The following HDAC2 variants were observed in gnomAD, a reference collection of about 807,000 sequenced individuals.
HDAC2 encodes histone deacetylase 2.
HDAC2 carries 5 observed loss-of-function variants against 68.5 expected under a neutral mutation model. The ratio of observed to expected loss-of-function variants is 0.07; its 90% CI spans 0.04 to 0.15. HDAC2 has a LOEUF of 0.15. HDAC2 is among the 10% of genes least tolerant of loss of function. HDAC2 has a pLI of 1.00. For missense variants in HDAC2, 291 were observed against 600.8 expected (o/e 0.48, Z 5.39); for synonymous variants, 182 against 191.3 (o/e 0.95, Z 0.40).
rs147767769 is a variant in HDAC2 at position 113,971,090 on chromosome 6, G to C, written c.-182C>G. ...CGCCGGGAAGGCTCGGTACCACCCG[G>C]CAGAGGTGCCGAAAGCTCGGAATCG... is the stretch of plus-strand genomic sequence containing the variant. On this transcript the variant is annotated 5_prime_UTR_variant, in exon 1 of 14. Coordinates refer to ENST00000519065, the MANE Select transcript of HDAC2 (RefSeq NM_001527.4). The C allele has an allele frequency of 1.3e-6, 2 of 1,549,446 alleles. No individual in the cohort carries two copies. Among genetic ancestry groups the C allele is most frequent in the Non-Finnish European group, 1.7e-6 (2 of 1,145,684 alleles).
chr6:113,966,861 A>C (rs2114622621), intron 1 of HDAC2, among the ~76,000 whole-genome samples: 1 of 152,330 alleles, frequency 6.6e-6, no homozygotes, highest in Non-Finnish European at 1.5e-5. Flanking sequence ...TTTCAGTCTT[A>C]TTTAGTCATG....
rs934018590 is a variant in HDAC2 at position 113,935,202 on chromosome 6, G to T, written c.*5856C>A. On this transcript the variant is annotated 3_prime_UTR_variant, in exon 14 of 14. Transcript: ENST00000519065. ...ACTTTCCGGCTAGACTTCAGAATAA[G>T]AAAATTTTTGAAGTGCATTTCTCAC... 4 of 152,106 alleles carry T rather than the reference G, an allele frequency of 2.6e-5. No individual in the cohort carries two copies. Among genetic ancestry groups the T allele is most frequent in the Non-Finnish European group, 5.9e-5 (4 of 68,010 alleles). 9.4% of individuals were successfully genotyped at this position (152,106 alleles called of 1,614,324 possible). A position where few individuals can be genotyped will look rare whatever the true frequency, so the allele number is the denominator to read the frequency against.
At chr6:113,962,116 G>A (rs1776697537) in intron 1 of HDAC2, among the ~76,000 whole-genome samples, 2 of 151,090 alleles carry the variant, frequency 1.3e-5, no homozygotes, top group Admixed American at 1.3e-4. Flanking sequence ...ATTAACACTT[G>A]TTGAGTGCTT....
intron 8 of HDAC2, chr6:113,947,038 C>T (rs553976967): frequency 6.6e-6 from 1 of 152,220 alleles, no homozygotes; most frequent in East Asian, 1.9e-4. Context: ...TGGGAATTTT[C>T]ATTAAGCATT....
chr6:113,943,381 C>T lies in HDAC2; in HGVS notation c.1348G>A (p.Asp450Asn), dbSNP rs1456771763. ...KGAKKARIEE[D>N]KKETEDKKTD... ...TTTTTGTCCTCTGTTTCTTTCTTAT[C>T]TTCTTCAATTCTAGCTTTCTTTGCT... The change falls in exon 12 of 14, where the codon GAT becomes AAT. Residue 450 changes from aspartate to asparagine, a missense_variant. Physicochemically the swap from Asp to Asn is conservative, Grantham distance 23 (BLOSUM62 1). This residue lies in a region of HDAC2 where 137 missense variants were observed against 128.7 expected (regional missense o/e 1.06). Transcript: ENST00000519065. 2 of 1,608,630 alleles carry T rather than the reference C, an allele frequency of 1.2e-6. No individual in the cohort carries two copies. The highest frequency in any genetic ancestry group is 1.7e-5 in the Admixed American group (1 of 59,152).
Position 113,933,945 on chromosome 6 carries a change from C to T in HDAC2, c.*7113G>A, listed in dbSNP as rs2114575405. 6.6e-6 allele frequency: 1 copy of T among 151,952 alleles called. No individual in the cohort carries two copies. The highest frequency in any genetic ancestry group is 1.9e-4 in the East Asian group (1 of 5,158). 9.4% of individuals were successfully genotyped at this position (151,952 alleles called of 1,614,324 possible). A position where few individuals can be genotyped will look rare whatever the true frequency, so the allele number is the denominator to read the frequency against. The stretch of plus-strand genomic sequence containing the variant: ...ATAGTTCCTGTCTCCTGACTGAACG[C>T]TGATGCAGGGAAACTCTGGTCTCTG... On this transcript the variant is annotated 3_prime_UTR_variant, in exon 14 of 14. Transcript: ENST00000519065.
At position 113,933,288 on chromosome 6, in the gene HDAC2, A is replaced by G. The variant is rs1775933725; in HGVS notation, c.*7770T>C. On this transcript the variant is annotated 3_prime_UTR_variant, in exon 14 of 14. Coordinates refer to ENST00000519065, the MANE Select transcript of HDAC2 (RefSeq NM_001527.4). The stretch of plus-strand genomic sequence containing the variant: ...CATCATTCCTGTGATATTCTTGCCC[A>G]AAACATGCAACCTATATCTAACCAT... 1.3e-5 allele frequency: 2 copies of G among 152,218 alleles called. No homozygotes were observed. Among genetic ancestry groups the G allele is most frequent in the Non-Finnish European group, 2.9e-5 (2 of 68,036 alleles). The allele number at this position is 152,218 out of a possible 1,614,324, so 9.4% of individuals were successfully genotyped here. A position where few individuals can be genotyped will look rare whatever the true frequency, so the allele number is the denominator to read the frequency against.
chr6:113,956,601 G>A lies in HDAC2; in HGVS notation c.358+18C>T. 1.3e-6 allele frequency: 2 copies of A among 1,574,538 alleles called. No homozygotes were observed. Among genetic ancestry groups the A allele is most frequent in the Middle Eastern group, 3.4e-4 (2 of 5,964 alleles). ...CAAGTTCAGATCAACTTTTAAATCT[G>A]ATTGCATTAGCACTTACCAACTGAA... On this transcript the variant is annotated intron_variant, in intron 4 of 13. Transcript: ENST00000519065.
At chr6:113,969,581 T>C (rs1019349511) in intron 1 of HDAC2, 1 of 152,208 alleles carries the variant, frequency 6.6e-6, no homozygotes, top group Non-Finnish European at 1.5e-5. Context: ...CTCTGTTAAA[T>C]TTTGGAATCC....
chr6:113,943,483 C>T lies in HDAC2; in HGVS notation c.1246G>A (p.Ala416Thr). ...GAATCTGAGAATTCTTCATCACAAG[C>T]TATCCGCTTGTCTGATGCTCGAACT... ...ISIRASDKRI[A>T]CDEEFSDSED... Residue 416 changes from alanine to threonine, a missense_variant, in exon 12 of 14, where the codon GCT becomes ACT. Around this residue, in one of 2 missense-constraint regions of HDAC2, gnomAD observed 137 missense variants for 128.7 expected, o/e 1.06. Transcript: ENST00000519065. 1 of 1,606,472 alleles carries T rather than the reference C, an allele frequency of 6.2e-7. No homozygotes were observed. Among genetic ancestry groups the T allele is most frequent in the South Asian group, 1.1e-5 (1 of 90,294 alleles).
At chr6:113,962,889 A>C (rs1776721004) in intron 1 of HDAC2, among the ~76,000 whole-genome samples, 2 of 149,834 alleles carry the variant, frequency 1.3e-5, no homozygotes, top group Non-Finnish European at 3.0e-5. Context: ...ACTTGAACCC[A>C]GGAGGCGGAG....
chr6:113,951,718 C>T (rs578065474), intron 6 of HDAC2, among the ~76,000 whole-genome samples: 6 of 152,226 alleles, frequency 3.9e-5, no homozygotes, highest in Admixed American at 2.6e-4. Flanking sequence ...CCTCCCACCT[C>T]GGCCTCCCAA....
chr6:113,954,320 A>T (rs538116192), intron 5 of HDAC2, among the ~76,000 whole-genome samples: 4 of 152,228 alleles, frequency 2.6e-5, no homozygotes, highest in African/African-American at 9.6e-5. Flanking sequence ...TTTCCAGACT[A>T]AGCACTCATA....
intron 11 of HDAC2, among the ~76,000 whole-genome samples, chr6:113,943,857 G>T (rs1013092149): frequency 6.6e-6 from 1 of 151,276 alleles, no homozygotes; most frequent in East Asian, 1.9e-4. Context: ...AGGTGAAGTA[G>T]ACCAAAAAAA....
intron 1 of HDAC2, chr6:113,970,653 AT>A: frequency 7.4e-7 from 1 of 1,349,726 alleles, no homozygotes; most frequent in Non-Finnish European, 9.4e-7. Context: ...GGGCCCCCTG[AT>A]TCCCGCCCGC....
intron 1 of HDAC2, chr6:113,970,615 A>C (rs1383702654): frequency 3.0e-6 from 4 of 1,323,048 alleles, no homozygotes; most frequent in African/African-American, 1.6e-5. Context: ...GCACGGCCGA[A>C]GGGGGAGAGG....
intron 9 of HDAC2, 54 bp downstream of exon 9, chr6:113,945,954 G>C: frequency 7.3e-7 from 1 of 1,360,730 alleles, no homozygotes; most frequent in Non-Finnish European, 1.0e-6. Flanking sequence ...ATAATTAGAG[G>C]AGCATCTGTA....
chr6:113,936,499 AAAT>A lies in HDAC2; in HGVS notation c.*4556_*4558del, dbSNP rs1281832252. 1.3e-5 allele frequency: 2 copies of A among 152,150 alleles called. No individual in the cohort carries two copies. 9.4% of individuals were successfully genotyped at this position (152,150 alleles called of 1,614,324 possible). ...GCATCAAGATCCCCCCAAAGTTGTC[AAAT>A]ATTATTCGTATCCTTGCTAAAATCA... is the stretch of plus-strand genomic sequence containing the variant. On this transcript the variant is annotated 3_prime_UTR_variant, in exon 14 of 14. Coordinates refer to ENST00000519065, the MANE Select transcript of HDAC2 (RefSeq NM_001527.4).
rs761860374 is a variant in HDAC2, at chr6:113,958,734, T to C, written c.198A>G (p.Thr66=). 16 of 1,610,162 alleles carry C rather than the reference T, an allele frequency of 9.9e-6. No homozygotes were observed. The highest frequency in any genetic ancestry group is 4.5e-5 in the East Asian group (2 of 44,796). The part of the protein sequence containing the change: ...RPHKATAEEM[T]KYHSDEYIKF... ...TGATATACTCATCACTGTGATATTT[T>C]GTCATTTCTTCGGCAGTGGCTTTAT... The change falls in exon 3 of 14, where the codon ACA becomes ACG. Residue 66 remains threonine, a synonymous_variant. Coordinates refer to ENST00000519065, the MANE Select transcript of HDAC2 (RefSeq NM_001527.4).
Sources: gnomAD v4.1 joint callset for allele counts (sites outside exome capture counted in the v4.1 genomes callset) on GRCh38, gnomAD v4.1.1 for gene constraint, gnomAD v4.1.1 regional missense constraint, MANE v1.5 for transcripts, NCBI Gene and HGNC (gene_info 2026-07-23, HGNC 2026-07-21) for gene names.